The following UGT2B7 variants were observed in gnomAD, a reference collection of about 807,000 sequenced individuals.
UGT2B7 encodes the protein UDP glucuronosyltransferase family 2 member B7, also known as UDP-glucuronosyltransferase 2B7.
In UGT2B7, 51 loss-of-function variants were observed where a neutral mutation model predicts 51.9. That is an observed-to-expected ratio of 0.98 (90% CI 0.78 to 1.24). The LOEUF (loss-of-function observed/expected upper bound fraction) is 1.24, where lower values mean the gene tolerates loss of function less well. Ranked by LOEUF, UGT2B7 falls within the 50% of genes most tolerant of loss-of-function variation. The pLI, the probability that UGT2B7 is intolerant of heterozygous loss-of-function variation, is 0.00. For missense variants in UGT2B7, 727 were observed against 628.4 expected, an observed-to-expected ratio of 1.16 and a Z score of -1.68; for synonymous variants, 225 against 211.6, an observed-to-expected ratio of 1.06 and a Z score of -0.55.
chr4:69,055,098 T>TAA (rs1178892377), intron 1 of UGT2B7, among the ~76,000 whole-genome samples: 314 of 22,574 alleles, frequency 0.014, 13 homozygotes, highest in African/African-American at 0.033. Flanking sequence ...AAGTAATAGC[T>TAA]AAAAAAAAAA....
chr4:69,053,117 T>TA (rs555578430), intron 1 of UGT2B7, among the ~76,000 whole-genome samples: 245 of 152,256 alleles, frequency 1.6e-3, no homozygotes, highest in African/African-American at 5.6e-3. Flanking sequence ...AAAGAGTCTA[T>TA]AAAATCTTAC....
At chr4:69,107,926 C>T (rs182594363) in intron 4 of UGT2B7, among the ~76,000 whole-genome samples, 177 bp from the exon 5 acceptor site, 388 of 152,224 alleles carry the variant, frequency 2.5e-3, no homozygotes, top group Middle Eastern at 3.4e-3. Context: ...TCACACACAC[C>T]GTATAGCCTT....
At chr4:69,072,049 A>T (rs1468649507) in intron 1 of UGT2B7, among the ~76,000 whole-genome samples, 1 of 152,126 alleles carries the variant, frequency 6.6e-6, no homozygotes, top group East Asian at 1.9e-4. Flanking sequence ...CTATCAAAGA[A>T]TACTTTCATT....
chr4:69,103,901 TA>T (rs1719504208), intron 3 of UGT2B7, among the ~76,000 whole-genome samples: 1 of 152,204 alleles, frequency 6.6e-6, no homozygotes. Context: ...TGTGCTAGTA[TA>T]ACATGATTGA....
At chr4:69,094,371 A>G (rs1309659996), upstream of UGT2B7, among the ~76,000 whole-genome samples, 2 of 30,034 alleles carry the variant, frequency 6.7e-5, 1 homozygote, top group African/African-American at 5.6e-4. Context: ...GATGGTCTCG[A>G]TCTCCTGACC....
Position 69,056,156 on chromosome 4 carries a change from T to C in UGT2B7, c.-159+4554T>C, listed in dbSNP as rs542386501. On this transcript the variant is annotated intron_variant, in intron 1 of 5. Coordinates refer to the UGT2B7 transcript ENST00000502942. ...AACTTCTAGGCTTCCCAGTCTATGC[T>C]TCCCACAAAAAAGGAAGCACAGCCA... Among the ~76,000 whole-genome samples the C allele has an allele frequency of 3.7e-4, 56 of 152,276 alleles. 1 individual carries two copies. The highest frequency in any genetic ancestry group is 1.3e-3 in the African/African-American group (55 of 41,566).
intron 1 of UGT2B7, among the ~76,000 whole-genome samples, chr4:69,055,567 T>C (rs1452175564): frequency 6.6e-6 from 1 of 152,184 alleles, no homozygotes; most frequent in African/African-American, 2.4e-5. Flanking sequence ...TATGATGAAC[T>C]AAATGTGCCA....
At chr4:69,082,273 G>C (rs1225944675) in intron 1 of UGT2B7, among the ~76,000 whole-genome samples, 1 of 151,888 alleles carries the variant, frequency 6.6e-6, no homozygotes, top group Non-Finnish European at 1.5e-5. Context: ...GTAGAAGGGA[G>C]AGTACCACAT....
At chr4:69,099,710 C>T (rs1026185316) in intron 2 of UGT2B7, among the ~76,000 whole-genome samples, 8 of 152,006 alleles carry the variant, frequency 5.3e-5, no homozygotes, top group Non-Finnish European at 2.9e-5. Context: ...GTCAGTGACT[C>T]AGAAATATTA....
intron 1 of UGT2B7, among the ~76,000 whole-genome samples, chr4:69,054,281 G>A (rs1718124502): frequency 6.6e-6 from 1 of 152,144 alleles, no homozygotes. Context: ...AAGGCCAGTG[G>A]CCTATCTCTC....
intron 1 of UGT2B7, among the ~76,000 whole-genome samples, chr4:69,079,707 C>T (rs188488868): frequency 7.9e-5 from 12 of 152,106 alleles, no homozygotes; most frequent in South Asian, 2.1e-4. Flanking sequence ...ATTGTAGTCA[C>T]GAAATCATAT....
rs2109889035 is a variant in UGT2B7 at position 69,102,957 on chromosome 4, C to G, written c.1002+19C>G. ...ACAAAAGGTAAGATGAAGTGCCTTA[C>G]TGGTGTGGAAAACTACTGAAAGAGG... On this transcript the variant is annotated intron_variant, in intron 3 of 5. Coordinates refer to ENST00000305231, the MANE Select transcript of UGT2B7 (RefSeq NM_001074.4). 1 of 1,606,700 alleles carries G rather than the reference C, an allele frequency of 6.2e-7. No individual in the cohort carries two copies. Among genetic ancestry groups the G allele is most frequent in the African/African-American group, 1.3e-5 (1 of 74,404 alleles).
chr4:69,064,583 G>A (rs1299662105), intron 1 of UGT2B7, among the ~76,000 whole-genome samples: 1 of 152,164 alleles, frequency 6.6e-6, no homozygotes, highest in Non-Finnish European at 1.5e-5. Context: ...ATCACAATTT[G>A]ATTAATTGTT....
chr4:69,111,127 A>G (rs1424500694), intron 5 of UGT2B7, among the ~76,000 whole-genome samples: 1 of 152,120 alleles, frequency 6.6e-6, no homozygotes, highest in Non-Finnish European at 1.5e-5. Context: ...AAAAATGTGT[A>G]AGGTACTAAG....
chr4:69,071,579 C>G (rs1718602519), intron 1 of UGT2B7, among the ~76,000 whole-genome samples: 1 of 152,048 alleles, frequency 6.6e-6, no homozygotes. Flanking sequence ...GTGTCTAAAA[C>G]AGTTGAATGA....
intron 1 of UGT2B7, among the ~76,000 whole-genome samples, chr4:69,066,057 C>T (rs188511286): frequency 9.9e-5 from 15 of 152,212 alleles, no homozygotes; most frequent in Admixed American, 9.2e-4. Context: ...CTTAACTTGT[C>T]CTCATTTCCT....
upstream of UGT2B7, among the ~76,000 whole-genome samples, chr4:69,091,847 A>T: frequency 6.6e-6 from 1 of 152,230 alleles, no homozygotes; most frequent in East Asian, 1.9e-4. Flanking sequence ...GACTACAAGA[A>T]GCCTTCTTCA....
intron 1 of UGT2B7, among the ~76,000 whole-genome samples, chr4:69,072,119 G>A (rs528600711): frequency 1.3e-5 from 2 of 152,134 alleles, no homozygotes; most frequent in South Asian, 2.1e-4. Context: ...AGTTAGGAAA[G>A]TATGTGAATA....
rs147329111 is a variant in UGT2B7 at position 69,062,038 on chromosome 4, A to C, written c.-159+10436A>C. On this transcript the variant is annotated intron_variant, in intron 1 of 5. Transcript: ENST00000502942. ...GATAATGGACTGGCATTTGTGGCTG[A>C]AATCGTTCAGGACTTAACTCGACTG... is the stretch of plus-strand genomic sequence containing the variant. 3.9e-3 allele frequency among the ~76,000 whole-genome samples: 594 copies of C among 152,308 alleles called. 2 individuals carry two copies. The highest frequency in any genetic ancestry group is 0.012 in the African/African-American group (510 of 41,580).
Sources: allele counts gnomAD v4.1 joint callset (sites outside exome capture counted in the v4.1 genomes callset), GRCh38; gene constraint gnomAD v4.1.1; transcripts MANE v1.5; gene names NCBI Gene and HGNC (gene_info 2026-07-23, HGNC 2026-07-21).